RNF150: variants seen among roughly 807,000 people sequenced by gnomAD.
RNF150 encodes ring finger protein 150.
Under a neutral mutation model 39.3 loss-of-function variants are expected in RNF150, and 24 were observed. The ratio of observed to expected loss-of-function variants is 0.61; its 90% CI spans 0.44 to 0.86. The LOEUF is 0.86. RNF150 is among the 40% of genes least tolerant of loss of function. The pLI, the probability that RNF150 is intolerant of heterozygous loss-of-function variation, is 0.00. For synonymous variants in RNF150, 255 were observed against 227.3 expected (o/e 1.12, Z -1.10); for missense variants, 502 against 587.8 (o/e 0.85, Z 1.51).
intron 1 of RNF150, among the ~76,000 whole-genome samples, chr4:141,112,605 G>A (rs1475233235): frequency 2.0e-5 from 3 of 152,286 alleles, no homozygotes; most frequent in African/African-American, 7.2e-5. Context: ...GTGTTTGTCT[G>A]ATGGGCTTCA....
Position 141,183,618 on chromosome 4 carries a change from T to A in RNF150, c.-6+29176A>T, listed in dbSNP as rs530714379. ...TTGTTATATATGTATACATGTGCCA[T>A]GGTACTGTTTAAGCCCCACATGCAT... On this transcript the variant is annotated intron_variant, in intron 1 of 7. Coordinates refer to the RNF150 transcript ENST00000420921. Among the ~76,000 whole-genome samples, 300 of 152,276 alleles carry A rather than the reference T, an allele frequency of 2.0e-3. 1 individual carries two copies. The highest frequency in any genetic ancestry group is 6.8e-3 in the African/African-American group (281 of 41,542).
At chr4:141,109,832 C>T (rs1018279982) in intron 1 of RNF150, among the ~76,000 whole-genome samples, 5 of 152,100 alleles carry the variant, frequency 3.3e-5, no homozygotes, top group African/African-American at 1.2e-4. Flanking sequence ...GGCCAAGATT[C>T]GAGAAAGAAA....
intron 6 of RNF150, among the ~76,000 whole-genome samples, chr4:140,902,914 T>G (rs956489517): frequency 2.0e-5 from 3 of 152,276 alleles, no homozygotes; most frequent in African/African-American, 7.2e-5. Flanking sequence ...TCACTAGTCT[T>G]AAGAATGTGG....
At chr4:141,078,926 C>CAT (rs141630381) in intron 1 of RNF150, among the ~76,000 whole-genome samples, 9 of 144,152 alleles carry the variant, frequency 6.2e-5, no homozygotes, top group African/African-American at 2.1e-4. Context: ...CATATATATA[C>CAT]ATATATATAC....
rs1484567831 is a variant in RNF150, at chr4:141,053,677, G to A, written c.484+78648C>T. On this transcript the variant is annotated intron_variant, in intron 1 of 6. Transcript: ENST00000515673. The stretch of plus-strand genomic sequence containing the variant: ...AGGCTAAAGCATACCTGAGGAAAGG[G>A]AATATGGGCATGGTGAAATCAGCTT... The A allele has an allele frequency of 1.6e-5, 22 of 1,401,074 alleles. No homozygotes were observed. In the East Asian group the frequency reaches 3.2e-4, roughly 20 times the overall value. 86.8% of individuals were successfully genotyped at this position (1,401,074 alleles called of 1,614,324 possible). A position where few individuals can be genotyped will look rare whatever the true frequency, so the allele number is the denominator to read the frequency against.
chr4:141,044,184 G>T (rs1287669428), intron 1 of RNF150, among the ~76,000 whole-genome samples: 1 of 152,104 alleles, frequency 6.6e-6, no homozygotes, highest in African/African-American at 2.4e-5. Flanking sequence ...TCTGGAAACG[G>T]GAAGGCATGC....
chr4:140,977,569 T>G (rs185591833), intron 1 of RNF150, among the ~76,000 whole-genome samples: 1 of 152,264 alleles, frequency 6.6e-6, no homozygotes, highest in East Asian at 1.9e-4. Flanking sequence ...TTAAAGTGGT[T>G]TGGTTTGAAT....
At chr4:141,119,189 T>C (rs1213426055) in intron 1 of RNF150, among the ~76,000 whole-genome samples, 1 of 152,238 alleles carries the variant, frequency 6.6e-6, no homozygotes, top group Non-Finnish European at 1.5e-5. Flanking sequence ...AGTTCTCTCA[T>C]TGCTCAAAAG....
chr4:141,013,038 G>A (rs1164768533), intron 1 of RNF150, among the ~76,000 whole-genome samples: 1 of 152,072 alleles, frequency 6.6e-6, no homozygotes, highest in East Asian at 1.9e-4. Context: ...AAGACATCTT[G>A]GAGACAAATG....
At chr4:141,179,400 G>A (rs1727867294) in intron 1 of RNF150, among the ~76,000 whole-genome samples, 1 of 152,128 alleles carries the variant, frequency 6.6e-6, no homozygotes, top group African/African-American at 2.4e-5. Flanking sequence ...ATAGTAATTT[G>A]TTTTGTAAAG....
intron 1 of RNF150, among the ~76,000 whole-genome samples, chr4:141,193,510 A>G (rs1413490709): frequency 6.6e-6 from 1 of 152,224 alleles, no homozygotes; most frequent in Non-Finnish European, 1.5e-5. Context: ...CTTATTATGT[A>G]CCAGGCACTA....
At chr4:140,895,843 T>A (rs1026950255) in intron 6 of RNF150, among the ~76,000 whole-genome samples, 1 of 152,240 alleles carries the variant, frequency 6.6e-6, no homozygotes, top group African/African-American at 2.4e-5. Context: ...TATTTCAGTA[T>A]CTAAGATTTT....
rs1378750200 is a variant in RNF150 at position 140,865,955 on chromosome 4, T to A, written c.*2306A>T. 6.6e-6 allele frequency: 1 copy of A among 152,242 alleles called. No individual in the cohort carries two copies. The highest frequency in any genetic ancestry group is 1.5e-5 in the Non-Finnish European group (1 of 68,042). The allele number at this position is 152,242 out of a possible 1,614,324, so 9.4% of individuals were successfully genotyped here. On this transcript the variant is annotated 3_prime_UTR_variant, in exon 7 of 7. Transcript: ENST00000515673. ...AAAATTTGTTTTGGGCAAAGCCGAC[T>A]GAAGGAGGAGTCAGTGGCGCAAGCC...
intron 6 of RNF150, among the ~76,000 whole-genome samples, chr4:140,892,073 T>C (rs1409926063): frequency 1.3e-5 from 2 of 152,232 alleles, no homozygotes; most frequent in Non-Finnish European, 2.9e-5. Flanking sequence ...AGATTACTTA[T>C]AGCACCTAAT....
intron 1 of RNF150, among the ~76,000 whole-genome samples, chr4:140,978,944 T>A (rs558682703): frequency 1.3e-5 from 2 of 152,282 alleles, no homozygotes; most frequent in African/African-American, 4.8e-5. Context: ...AATGCTGAAA[T>A]AACTTTCTGC....
At chr4:140,999,303 C>A (rs952347355) in intron 1 of RNF150, among the ~76,000 whole-genome samples, 7 of 152,192 alleles carry the variant, frequency 4.6e-5, no homozygotes, top group African/African-American at 9.6e-5. Context: ...TGCTGATGAG[C>A]AGATCCAGCA....
intron 6 of RNF150, among the ~76,000 whole-genome samples, chr4:140,903,910 C>T (rs965279786): frequency 3.3e-5 from 5 of 152,182 alleles, no homozygotes; most frequent in African/African-American, 4.8e-5. Context: ...TCTGCAGATC[C>T]TCAACTCTCC....
At chr4:140,932,259 TAAAG>T (rs1731676049) in intron 4 of RNF150, among the ~76,000 whole-genome samples, 1 of 152,234 alleles carries the variant, frequency 6.6e-6, no homozygotes, top group African/African-American at 2.4e-5. Context: ...AAACTGTCAA[TAAAG>T]AGTGAATTTT....
intron 1 of RNF150, among the ~76,000 whole-genome samples, chr4:141,005,500 C>T (rs1031345297): frequency 6.6e-6 from 1 of 152,160 alleles, no homozygotes; most frequent in African/African-American, 2.4e-5. Flanking sequence ...ACCAATGCTA[C>T]AATTAGGCCT....
Sources: allele counts gnomAD v4.1 joint callset (sites outside exome capture counted in the v4.1 genomes callset), GRCh38; gene constraint gnomAD v4.1.1; transcripts MANE v1.5; gene names NCBI Gene and HGNC (gene_info 2026-07-23, HGNC 2026-07-21).